MIPEP: variants seen among roughly 807,000 people sequenced by gnomAD.
The protein encoded by MIPEP is mitochondrial intermediate peptidase.
Under a neutral mutation model 90.3 loss-of-function variants are expected in MIPEP, and 79 were observed. That is an observed-to-expected ratio of 0.87 (90% confidence interval 0.73 to 1.05). The LOEUF (loss-of-function observed/expected upper bound fraction) is 1.05. MIPEP is among the 50% of genes least tolerant of loss of function. MIPEP has a pLI of 0.00. For missense variants in MIPEP, 940 were observed against 905.6 expected (o/e 1.04, Z -0.49); for synonymous variants, 334 against 315.8 (o/e 1.06, Z -0.61).
chr13:23,795,364 A>T (rs143232764), intron 16 of MIPEP, among the ~76,000 whole-genome samples: 3 of 152,354 alleles, frequency 2.0e-5, no homozygotes, highest in African/African-American at 7.2e-5. Context: ...ACAGACCCTT[A>T]TGCCATTCTT....
At chr13:23,781,789 G>C (rs1395297404) in intron 16 of MIPEP, among the ~76,000 whole-genome samples, 1 of 152,024 alleles carries the variant, frequency 6.6e-6, no homozygotes, top group Admixed American at 6.6e-5. Flanking sequence ...AACAAAAAAA[G>C]GCAGGGGTTG....
At position 23,889,201 on chromosome 13, in the gene MIPEP, C is replaced by T; in HGVS notation, c.120G>A (p.Trp40Ter). Reference protein sequence around the residue: ...GIRARRVSTSWSPVGAAFNVK... With the variant: ...GIRARRVSTS ...CATTGAAGGCGGCGCCCACGGGAGA[C>T]CAGCTGGTGCTGACCCTTCGGGCCC... Residue 40 changes from tryptophan to a stop codon, truncating the protein, a stop_gained, in exon 1 of 19, where the codon TGG (tryptophan) becomes TGA (stop). Coordinates refer to ENST00000382172, the MANE Select transcript of MIPEP (RefSeq NM_005932.4). LOFTEE classifies it high-confidence loss of function. The T allele has an allele frequency of 6.8e-7, 1 of 1,461,276 alleles. No individual in the cohort carries two copies. Among genetic ancestry groups the T allele is most frequent in the Non-Finnish European group, 9.0e-7 (1 of 1,108,332 alleles). The allele number at this position is 1,461,276 out of a possible 1,614,324, so 90.5% of individuals were successfully genotyped here. A position where few individuals can be genotyped will look rare whatever the true frequency, so the allele number is the denominator to read the frequency against.
chr13:23,807,913 T>C (rs1305256910), intron 15 of MIPEP, among the ~76,000 whole-genome samples: 1 of 152,120 alleles, frequency 6.6e-6, no homozygotes, highest in African/African-American at 2.4e-5. Flanking sequence ...GCAAAATAAA[T>C]TAAATGTGCA....
intron 15 of MIPEP, among the ~76,000 whole-genome samples, chr13:23,806,602 T>C (rs916797444): frequency 6.6e-6 from 1 of 151,612 alleles, no homozygotes; most frequent in Non-Finnish European, 1.5e-5. Context: ...GGCGTGAACC[T>C]GGGAGGCGGA....
At chr13:23,863,103 T>C (rs1411686905) in intron 8 of MIPEP, among the ~76,000 whole-genome samples, 5 of 152,142 alleles carry the variant, frequency 3.3e-5, no homozygotes, top group African/African-American at 9.7e-5. Context: ...AAAACAGAAA[T>C]GTGAGCCAAG....
At chr13:23,840,870 A>C (rs1465665762) in intron 11 of MIPEP, among the ~76,000 whole-genome samples, 1 of 152,198 alleles carries the variant, frequency 6.6e-6, no homozygotes, top group Non-Finnish European at 1.5e-5. Flanking sequence ...GCTAGGTTTG[A>C]AGTTATTATC....
chr13:23,882,627 A>G (rs1468556205), intron 2 of MIPEP, among the ~76,000 whole-genome samples: 1 of 150,772 alleles, frequency 6.6e-6, no homozygotes, highest in Non-Finnish European at 1.5e-5. Context: ...TGTCAACTGT[A>G]ACAAAAAGCA....
At chr13:23,860,596 G>A (rs1045673697) in intron 9 of MIPEP, among the ~76,000 whole-genome samples, 2 of 152,140 alleles carry the variant, frequency 1.3e-5, no homozygotes, top group African/African-American at 4.8e-5. Context: ...ATAACCAGGA[G>A]CTACTGAATA....
At chr13:23,774,643 T>C (rs1044941682) in intron 16 of MIPEP, among the ~76,000 whole-genome samples, 2 of 152,204 alleles carry the variant, frequency 1.3e-5, no homozygotes, top group Non-Finnish European at 2.9e-5. Context: ...TATTCCTAAG[T>C]ATTTTACTCT....
intron 9 of MIPEP, among the ~76,000 whole-genome samples, chr13:23,859,811 C>T (rs1030572505): frequency 6.6e-6 from 1 of 152,204 alleles, no homozygotes; most frequent in Non-Finnish European, 1.5e-5. Context: ...TCCTTATTAC[C>T]ATTATCCTTT....
intron 9 of MIPEP, 123 bp from the exon 10 acceptor site, chr13:23,859,035 G>T: frequency 1.3e-6 from 1 of 776,948 alleles, no homozygotes. Flanking sequence ...CAATTTTATA[G>T]AATCCCTTAA....
Position 23,837,661 on chromosome 13 carries a change from T to G in MIPEP, c.1434A>C (p.Ser478=), listed in dbSNP as rs779494056. 3 of 1,613,870 alleles carry G rather than the reference T, an allele frequency of 1.9e-6. No individual in the cohort carries two copies. The highest frequency in any genetic ancestry group is 2.2e-5 in the East Asian group (1 of 44,890). ...GAGTTAGCAAAGTTGGAGAACTCCTTGAGGAACGGGGAAGATTCAGCATAA... is the reference window on the plus strand; with the variant it reads ...GAGTTAGCAAAGTTGGAGAACTCCTGGAGGAACGGGGAAGATTCAGCATAA... ...VVLMLNLPRS[S]RSSPTLLTPS... Residue 478 remains serine, a synonymous_variant, in exon 13 of 19, where the codon TCA becomes TCC. Transcript: ENST00000382172.
At chr13:23,811,885 A>G (rs1953175280) in intron 14 of MIPEP, among the ~76,000 whole-genome samples, 1 of 151,854 alleles carries the variant, frequency 6.6e-6, no homozygotes, top group African/African-American at 2.4e-5. Context: ...TCTAGCCTCC[A>G]AGTTCTCAGG....
chr13:23,800,644 C>A (rs566108444), intron 16 of MIPEP, among the ~76,000 whole-genome samples: 10 of 152,138 alleles, frequency 6.6e-5, no homozygotes, highest in African/African-American at 2.4e-4. Flanking sequence ...AAATTGCCGA[C>A]ACTAGAAGGC....
At chr13:23,756,736 C>A (rs769380424) in intron 17 of MIPEP, 118 bp from the exon 18 acceptor site, 30 of 898,222 alleles carry the variant, frequency 3.3e-5, no homozygotes, top group Non-Finnish European at 4.6e-5. Flanking sequence ...CACCATGTGA[C>A]AATTTGGCCC....
rs761087143 is a variant in MIPEP, at chr13:23,870,084, G to T, written c.715C>A (p.Arg239Ser). The change falls in exon 6 of 19, where the codon CGT (arginine) becomes AGT (serine). Residue 239 changes from arginine (R) to serine (S), a missense_variant. Transcript: ENST00000382172. ...TCCCCAGCAGATGTAAAGTTACGAC[G>T]AATGTGTTCTGGTAAGAGATGCTTC... Reference protein sequence around the residue: ...IEKHLLPEHIRRNFTSAGDHI... With the variant: ...IEKHLLPEHISRNFTSAGDHI... 4.3e-6 allele frequency: 7 copies of T among 1,612,736 alleles called. No individual in the cohort carries two copies. The highest frequency in any genetic ancestry group is 5.9e-6 in the Non-Finnish European group (7 of 1,179,344).
chr13:23,874,908 G>C lies in MIPEP; in HGVS notation c.541C>G (p.Arg181Gly). The stretch of plus-strand genomic sequence containing the variant: ...TCAAACATAAACAGTTCAGCCACTC[G>C]CCTATAAATGAAATGAGCCCCAGGT... ...LVDSLDPETR[R>G]VAELFMFDFE... Residue 181 changes from arginine to glycine, a missense_variant and splice_region_variant, in exon 5 of 19, where the codon CGA (arginine) becomes GGA (glycine). Physicochemically the swap from Arg to Gly is moderately radical, Grantham distance 125. Coordinates refer to ENST00000382172, the MANE Select transcript of MIPEP (RefSeq NM_005932.4). 6.3e-7 allele frequency: 1 copy of C among 1,596,110 alleles called. No homozygotes were observed. Among genetic ancestry groups the C allele is most frequent in the South Asian group, 1.2e-5 (1 of 86,886 alleles).
intron 9 of MIPEP, among the ~76,000 whole-genome samples, chr13:23,860,746 G>A (rs906736517): frequency 6.6e-6 from 1 of 152,110 alleles, no homozygotes; most frequent in Non-Finnish European, 1.5e-5. Flanking sequence ...CTAAATACAT[G>A]GCTAAACTGT....
At chr13:23,771,530 T>C (rs1402201441) in intron 16 of MIPEP, among the ~76,000 whole-genome samples, 1 of 145,990 alleles carries the variant, frequency 6.8e-6, no homozygotes, top group Non-Finnish European at 1.5e-5. Context: ...ATTTGCTGAC[T>C]ACACACACAC....
Sources: allele counts gnomAD v4.1 joint callset (sites outside exome capture counted in the v4.1 genomes callset), GRCh38; gene constraint gnomAD v4.1.1; transcripts MANE v1.5; gene names NCBI Gene and HGNC (gene_info 2026-07-23, HGNC 2026-07-21).